The following BRI3BP variants were observed in gnomAD, a reference collection of about 807,000 sequenced individuals.
BRI3BP encodes the protein BRI3 binding protein.
Under a neutral mutation model 15.8 loss-of-function variants are expected in BRI3BP, and 7 were observed. That is an observed-to-expected ratio of 0.44 (90% CI 0.25 to 0.83). The LOEUF (loss-of-function observed/expected upper bound fraction) is 0.83. BRI3BP is among the 40% of genes least tolerant of loss of function. The probability of loss-of-function intolerance (pLI) is 0.20; values close to 1 mark genes in which losing one functional copy is unlikely to be tolerated. For missense variants in BRI3BP, 320 were observed against 339.3 expected (o/e 0.94, Z 0.45); for synonymous variants, 192 against 163.5 (o/e 1.17, Z -1.33).
chr12:124,995,078 A>T (rs944258277), intron 1 of BRI3BP, among the ~76,000 whole-genome samples: 3 of 152,230 alleles, frequency 2.0e-5, no homozygotes, highest in Non-Finnish European at 4.4e-5. Context: ...AGAAGGGAAT[A>T]TGAAGGCCGA....
chr12:125,040,891 C>T, the BRI3BP span, among the ~76,000 whole-genome samples: 20 of 150,916 alleles, frequency 1.3e-4, no homozygotes, highest in African/African-American at 4.9e-4. Context: ...CCACCACACC[C>T]AGCTAATTTT....
rs1255697246 is a variant in BRI3BP at position 125,026,316 on chromosome 12, G to A, written c.*886G>A. 8.2e-6 allele frequency: 1 copy of A among 122,548 alleles called. No individual in the cohort carries two copies. The highest frequency in any genetic ancestry group is 1.7e-5 in the Non-Finnish European group (1 of 57,358). The allele number at this position is 122,548 out of a possible 1,614,324, so 7.6% of individuals were successfully genotyped here. On this transcript the variant is annotated 3_prime_UTR_variant, in exon 3 of 3. Coordinates refer to ENST00000341446, the MANE Select transcript of BRI3BP (RefSeq NM_080626.6). ...CTATATACAAAAGCTATACCCTTGA[G>A]GGTTTTTTTTTTTTTCTTTTGATTT...
the BRI3BP span, among the ~76,000 whole-genome samples, chr12:125,037,833 A>G: frequency 6.6e-6 from 1 of 151,798 alleles, no homozygotes; most frequent in East Asian, 1.9e-4. Flanking sequence ...AAAAGAAAAG[A>G]AAAGAAAAAG....
At chr12:125,018,029 T>C (rs1271179955) in intron 2 of BRI3BP, among the ~76,000 whole-genome samples, 1 of 152,042 alleles carries the variant, frequency 6.6e-6, no homozygotes, top group Non-Finnish European at 1.5e-5. Flanking sequence ...CCATGGTCGG[T>C]ATTCAGTAAA....
chr12:125,043,518 G>A, the BRI3BP span, among the ~76,000 whole-genome samples: 2 of 152,044 alleles, frequency 1.3e-5, no homozygotes, highest in Non-Finnish European at 2.9e-5. Context: ...GACCAGCCTG[G>A]GCAAGATAAT....
intron 2 of BRI3BP, among the ~76,000 whole-genome samples, chr12:125,022,541 A>ATTTTTTTTTTTTTTT (rs770844998): frequency 1.6e-4 from 22 of 139,402 alleles, no homozygotes; most frequent in African/African-American, 5.8e-4. Context: ...TTATTTATTT[A>ATTTTTTTTTTTTTTT]TTTTTTGAGA....
chr12:125,011,068 G>A (rs1448941401), intron 1 of BRI3BP, among the ~76,000 whole-genome samples: 7 of 148,630 alleles, frequency 4.7e-5, no homozygotes, highest in African/African-American at 1.5e-4. Context: ...CACTCCAGCC[G>A]GAGTGACAGA....
chr12:125,034,782 G>T (rs1042476970), downstream of BRI3BP, among the ~76,000 whole-genome samples: 4 of 152,066 alleles, frequency 2.6e-5, no homozygotes, highest in African/African-American at 4.8e-5. Flanking sequence ...TAGAGACGGG[G>T]TTTCACCATA....
the BRI3BP span, among the ~76,000 whole-genome samples, chr12:125,050,345 G>C: frequency 6.8e-6 from 1 of 146,546 alleles, no homozygotes; most frequent in Non-Finnish European, 1.5e-5. Context: ...GCGAGACTCC[G>C]TCTCAAAAAA....
intron 2 of BRI3BP, among the ~76,000 whole-genome samples, chr12:125,022,588 C>T (rs562389490): frequency 1.9e-4 from 27 of 145,942 alleles, no homozygotes; most frequent in African/African-American, 4.0e-4. Flanking sequence ...AGTGCAGTGG[C>T]GCCATTGGCT....
chr12:125,043,547 AT>A, the BRI3BP span, among the ~76,000 whole-genome samples: 205 of 145,744 alleles, frequency 1.4e-3, no homozygotes, highest in Middle Eastern at 3.7e-3. Flanking sequence ...ATCTCTGCCA[AT>A]TTTTTTTTTT....
Position 125,006,391 on chromosome 12 carries a change from C to A in BRI3BP, c.214-6143C>A, listed in dbSNP as rs533383044. Among the ~76,000 whole-genome samples the A allele has an allele frequency of 2.6e-5, 4 of 152,334 alleles. No homozygotes were observed. In the East Asian group the frequency reaches 5.8e-4, roughly 22 times the overall value. On this transcript the variant is annotated intron_variant, in intron 1 of 2. Coordinates refer to ENST00000341446, the MANE Select transcript of BRI3BP (RefSeq NM_080626.6). Reference sequence around the variant, plus strand: ...GGGATCCTCCCCGAATTCACCCTCTCCTGCCCGGGGCCAGTTTTCAGGAGG... The same window carrying A: ...GGGATCCTCCCCGAATTCACCCTCTACTGCCCGGGGCCAGTTTTCAGGAGG...
intron 2 of BRI3BP, among the ~76,000 whole-genome samples, chr12:125,016,962 A>G (rs563542471): frequency 3.4e-5 from 5 of 147,548 alleles, no homozygotes; most frequent in African/African-American, 1.3e-4. Context: ...CAGCTTCCCA[A>G]CTAGCTGGGA....
Position 125,025,024 on chromosome 12 carries a change from C to T in BRI3BP, c.350C>T (p.Ser117Leu), listed in dbSNP as rs200314454. The T allele has an allele frequency of 1.9e-6, 3 of 1,613,142 alleles. No individual in the cohort carries two copies. Among genetic ancestry groups the T allele is most frequent in the Admixed American group, 1.7e-5 (1 of 59,970 alleles). The change falls in exon 3 of 3, where the codon TCG (serine) becomes TTG (leucine). Residue 117 changes from serine (S) to leucine (L), a missense_variant. Physicochemically the swap from Ser to Leu is moderately radical, Grantham distance 145 (BLOSUM62 -2). Transcript: ENST00000341446. ...SNLSQYFSPA[S>L]VSSSPARALL... ...CTGTCCCAGTATTTCAGCCCAGCCTCGGTGTCCAGCAGCCCGGCCCGCGCG... is the reference window on the plus strand; with the variant it reads ...CTGTCCCAGTATTTCAGCCCAGCCTTGGTGTCCAGCAGCCCGGCCCGCGCG...
At chr12:125,000,966 G>T (rs968713140) in intron 1 of BRI3BP, among the ~76,000 whole-genome samples, 1 of 152,172 alleles carries the variant, frequency 6.6e-6, no homozygotes, top group African/African-American at 2.4e-5. Context: ...CCCAGTCAAG[G>T]ACTGCTCATG....
chr12:125,022,541 A>ATTTTTATTTTTTTTTT (rs1955309268), intron 2 of BRI3BP, among the ~76,000 whole-genome samples: 2 of 139,404 alleles, frequency 1.4e-5, no homozygotes, highest in African/African-American at 2.9e-5. Flanking sequence ...TTATTTATTT[A>ATTTTTATTTTTTTTTT]TTTTTTGAGA....
intron 1 of BRI3BP, among the ~76,000 whole-genome samples, chr12:124,995,432 G>C (rs11837967): frequency 0.024 from 3,637 of 152,228 alleles, 126 homozygotes; most frequent in African/African-American, 0.082. Context: ...TCTTTTTCAC[G>C]CAGGGTGACC....
At chr12:125,002,468 T>G (rs1186854762) in intron 1 of BRI3BP, among the ~76,000 whole-genome samples, 2 of 151,094 alleles carry the variant, frequency 1.3e-5, no homozygotes, top group Non-Finnish European at 3.0e-5. Context: ...TTTGTTTTTT[T>G]TTTTTTTGAG....
At position 125,006,201 on chromosome 12, in the gene BRI3BP, C is replaced by T. The variant is rs540527756; in HGVS notation, c.214-6333C>T. 2.1e-3 allele frequency among the ~76,000 whole-genome samples: 320 copies of T among 152,254 alleles called. 2 individuals carry two copies. Among genetic ancestry groups the T allele is most frequent in the African/African-American group, 7.4e-3 (309 of 41,548 alleles). ...CTGAGGTCCTAGGGTTTAGGGCTTC[C>T]ACATAAGCCTTTTGGGGGACAGAGT... is the stretch of plus-strand genomic sequence containing the variant. On this transcript the variant is annotated intron_variant, in intron 1 of 2. Transcript: ENST00000341446.
Sources: gnomAD v4.1 joint callset for allele counts (sites outside exome capture counted in the v4.1 genomes callset) on GRCh38, gnomAD v4.1.1 for gene constraint, MANE v1.5 for transcripts, NCBI Gene and HGNC (gene_info 2026-07-23, HGNC 2026-07-21) for gene names.